Variants in AP1S3 observed in about 807,000 individuals in gnomAD.
AP1S3 encodes the protein AP-1 complex subunit sigma-3.
AP1S3 carries 10 observed loss-of-function variants against 20.9 expected under a neutral mutation model. That is an observed-to-expected ratio of 0.48 (90% confidence interval 0.29 to 0.81). The LOEUF is 0.81. Ranked by LOEUF, AP1S3 falls within the 30% of genes least tolerant of loss-of-function variation. AP1S3 has a pLI of 0.08. For missense variants in AP1S3, 154 were observed against 183.8 expected (o/e 0.84, Z 0.94); for synonymous variants, 41 against 61.5 (o/e 0.67, Z 1.56).
In AP1S3 at chr2:223,756,338, G is replaced by GGAAGAAAAGA. The variant is rs761166178; in HGVS notation, c.*2376_*2377insTCTTTTCTTC. 3.4e-5 allele frequency: 9 copies of GGAAGAAAAGA among 261,538 alleles called. No homozygotes were observed. Among genetic ancestry groups the GGAAGAAAAGA allele is most frequent in the African/African-American group, 1.0e-4 (4 of 39,718 alleles). 16.2% of individuals were successfully genotyped at this position (261,538 alleles called of 1,614,324 possible). ...GGTGACAAGAAGCGAGGAAAGAAAA[G>GGAAGAAAAGA]AAAGAAAAGAAAAGAAAAGAGAAAA... is the stretch of plus-strand genomic sequence containing the variant. On this transcript the variant is annotated 3_prime_UTR_variant, in exon 5 of 5. Transcript: ENST00000396654.
At chr2:223,821,631 C>A (rs147369382) in intron 1 of AP1S3, among the ~76,000 whole-genome samples, 1 of 152,134 alleles carries the variant, frequency 6.6e-6, no homozygotes, top group African/African-American at 2.4e-5. Context: ...ATGCAAGATT[C>A]GTGAGCAATG....
chr2:223,785,808 A>C (rs956891204), intron 1 of AP1S3, among the ~76,000 whole-genome samples: 1 of 152,212 alleles, frequency 6.6e-6, no homozygotes, highest in African/African-American at 2.4e-5. Context: ...GCAAATAGTC[A>C]GTATGATACT....
chr2:223,781,346 C>T (rs1690941352), intron 1 of AP1S3, among the ~76,000 whole-genome samples: 1 of 151,962 alleles, frequency 6.6e-6, no homozygotes, highest in Admixed American at 6.6e-5. Context: ...AAACCCTCCT[C>T]ATCAGCAGCT....
intron 1 of AP1S3, among the ~76,000 whole-genome samples, chr2:223,785,107 G>A (rs1042950455): frequency 4.6e-5 from 7 of 152,128 alleles, no homozygotes; most frequent in South Asian, 4.1e-4. Context: ...TTGGGAGGCC[G>A]AGGCGGGCAG....
At chr2:223,823,083 GAA>G (rs1429368305) in intron 1 of AP1S3, among the ~76,000 whole-genome samples, 2 of 152,188 alleles carry the variant, frequency 1.3e-5, no homozygotes, top group Non-Finnish European at 2.9e-5. Flanking sequence ...TCAAAAAGAT[GAA>G]AGATAATAAG....
chr2:223,759,836 T>C (rs1203854775), intron 4 of AP1S3, among the ~76,000 whole-genome samples: 2 of 152,288 alleles, frequency 1.3e-5, no homozygotes, highest in Non-Finnish European at 2.9e-5. Flanking sequence ...GTTCTCATCA[T>C]TTAGCTCCCA....
rs1043761159 is a variant in AP1S3 at position 223,756,076 on chromosome 2, T to C, written c.*2639A>G. ...GAATTTGGCCGGGTGCAGCGGCTCA[T>C]GCCTGTAATTCCAGCACTTTGGAAG... On this transcript the variant is annotated 3_prime_UTR_variant, in exon 5 of 5. Transcript: ENST00000396654. 4.1e-6 allele frequency: 4 copies of C among 984,338 alleles called. No homozygotes were observed. Among genetic ancestry groups the C allele is most frequent in the Admixed American group, 6.2e-5 (1 of 16,258 alleles). The allele number at this position is 984,338 out of a possible 1,614,324, so 61.0% of individuals were successfully genotyped here.
intron 3 of AP1S3, among the ~76,000 whole-genome samples, chr2:223,773,741 CA>C (rs778871228): frequency 3.1e-4 from 45 of 143,652 alleles, no homozygotes; most frequent in African/African-American, 1.2e-3. Flanking sequence ...ACAACAAGAA[CA>C]AAAAAAAACT....
chr2:223,825,960 G>A (rs1692119084), intron 1 of AP1S3, among the ~76,000 whole-genome samples: 2 of 152,200 alleles, frequency 1.3e-5, no homozygotes, highest in South Asian at 2.1e-4. Flanking sequence ...AGGTTGCAGT[G>A]AGCCGAGATT....
At chr2:223,780,304 TATATAGAGAGAGAGAGAGAGAGAGAGAG>T (rs1278885253) in intron 1 of AP1S3, among the ~76,000 whole-genome samples, 1 of 46,054 alleles carries the variant, frequency 2.2e-5, no homozygotes, top group African/African-American at 9.6e-5. Context: ...TATATATATA[TATATAGAGAGAGAGAGAGAGAGAGAGAG>T]AGAGAGAGAG....
Position 223,755,523 on chromosome 2 carries a change from A to C in AP1S3, c.*3192T>G, listed in dbSNP as rs1690189889. On this transcript the variant is annotated 3_prime_UTR_variant, in exon 5 of 5. Coordinates refer to ENST00000396654, the MANE Select transcript of AP1S3 (RefSeq NM_001039569.2). ...CTGTGCCATATAGATATGTTTACTT[A>C]CTTTCATTTTTTTTTTTTTTTTTTT... is the stretch of plus-strand genomic sequence containing the variant. Among the ~76,000 whole-genome samples the C allele has an allele frequency of 7.8e-6, 1 of 127,428 alleles. No homozygotes were observed. The highest frequency in any genetic ancestry group is 2.9e-5 in the African/African-American group (1 of 34,522). 83.6% of individuals were successfully genotyped at this position (127,428 alleles called of 152,430 possible). A position where few individuals can be genotyped will look rare whatever the true frequency, so the allele number is the denominator to read the frequency against.
At chr2:223,768,827 C>T (rs1690542893) in intron 3 of AP1S3, among the ~76,000 whole-genome samples, 1 of 152,080 alleles carries the variant, frequency 6.6e-6, no homozygotes, top group African/African-American at 2.4e-5. Context: ...TGCACTCCAG[C>T]CTGGGTGACA....
intron 1 of AP1S3, among the ~76,000 whole-genome samples, chr2:223,782,592 A>G (rs1455339390): frequency 6.6e-6 from 1 of 152,242 alleles, no homozygotes; most frequent in Non-Finnish European, 1.5e-5. Context: ...TTCTTAAACA[A>G]GAATCAACAA....
At chr2:223,822,061 G>T (rs1692000146) in intron 1 of AP1S3, among the ~76,000 whole-genome samples, 1 of 152,078 alleles carries the variant, frequency 6.6e-6, no homozygotes, top group Non-Finnish European at 1.5e-5. Context: ...ATGCTCTTCT[G>T]CCTTTCTAAT....
At chr2:223,780,970 G>A (rs1690933387) in intron 1 of AP1S3, among the ~76,000 whole-genome samples, 1 of 151,760 alleles carries the variant, frequency 6.6e-6, no homozygotes, top group African/African-American at 2.4e-5. Flanking sequence ...AGTCCCCAGT[G>A]TGTATTGCTG....
chr2:223,763,333 C>CT (rs1690404823), intron 4 of AP1S3, among the ~76,000 whole-genome samples: 1 of 152,196 alleles, frequency 6.6e-6, no homozygotes, highest in African/African-American at 2.4e-5. Context: ...TTATGACAAC[C>CT]TTTTTAAAAC....
rs1032513538 is a variant in AP1S3, at chr2:223,757,074, C to T, written c.*1641G>A. On this transcript the variant is annotated 3_prime_UTR_variant, in exon 5 of 5. Transcript: ENST00000396654. ...GTATGACCTTGGCTCACTGCAACCT[C>T]TGCCTCCTGGGTTCAAGCCATTCCC... is the stretch of plus-strand genomic sequence containing the variant. 1 of 860,466 alleles carries T rather than the reference C, an allele frequency of 1.2e-6. No individual in the cohort carries two copies. Among genetic ancestry groups the T allele is most frequent in the Admixed American group, 6.2e-5 (1 of 16,038 alleles). 53.3% of individuals were successfully genotyped at this position (860,466 alleles called of 1,614,324 possible). A position where few individuals can be genotyped will look rare whatever the true frequency, so the allele number is the denominator to read the frequency against.
chr2:223,763,555 T>G (rs957268839), intron 4 of AP1S3, among the ~76,000 whole-genome samples: 1 of 152,172 alleles, frequency 6.6e-6, no homozygotes, highest in Non-Finnish European at 1.5e-5. Flanking sequence ...AAACACTGTT[T>G]TGTGAAATTT....
At chr2:223,818,524 T>C (rs62185133) in intron 1 of AP1S3, among the ~76,000 whole-genome samples, 75,635 of 151,890 alleles carry the variant, frequency 0.5, 18,939 homozygotes, top group Middle Eastern at 0.58. Flanking sequence ...ATAAGCAATG[T>C]TCTTGGGAAA....
Sources: gnomAD v4.1 joint callset for allele counts (sites outside exome capture counted in the v4.1 genomes callset) on GRCh38, gnomAD v4.1.1 for gene constraint, MANE v1.5 for transcripts, NCBI Gene and HGNC (gene_info 2026-07-23, HGNC 2026-07-21) for gene names.